Variants in SMIM7 observed in about 807,000 individuals in gnomAD.
SMIM7 encodes small integral membrane protein 7.
In SMIM7, 12 loss-of-function variants were observed where a neutral mutation model predicts 13.3. The observed-to-expected ratio is 0.90, with a 90% confidence interval of 0.58 to 1.46. The LOEUF (loss-of-function observed/expected upper bound fraction) is 1.46, where lower values mean the gene tolerates loss of function less well. Among genes scored for constraint, SMIM7 ranks in the 40% most tolerant of loss-of-function variants. The pLI, the probability that SMIM7 is intolerant of heterozygous loss-of-function variation, is 0.00. For synonymous variants in SMIM7, 36 were observed against 35.8 expected (o/e 1.01, Z -0.02); for missense variants, 114 against 94.8 (o/e 1.20, Z -0.84).
chr19:16,654,299 C>G (rs2086567935), intron 3 of SMIM7, among the ~76,000 whole-genome samples, 174 bp from the exon 4 acceptor site: 2 of 152,228 alleles, frequency 1.3e-5, no homozygotes, highest in African/African-American at 4.8e-5. Context: ...CAGGCTGTGT[C>G]TACCACTGAC....
chr19:16,659,042 C>T (rs369582629), intron 3 of SMIM7: 3 of 321,080 alleles, frequency 9.3e-6, no homozygotes, highest in Non-Finnish European at 6.0e-6. Flanking sequence ...CCCAGCTCTT[C>T]GGGAGGCCAA....
chr19:16,650,117 T>C (rs2086503018), intron 4 of SMIM7, among the ~76,000 whole-genome samples: 2 of 152,190 alleles, frequency 1.3e-5, no homozygotes. Flanking sequence ...CGCCTTTTAC[T>C]TGTAAAACCT....
chr19:16,639,148 G>A (rs1017048397), intron 4 of SMIM7, among the ~76,000 whole-genome samples: 1 of 145,502 alleles, frequency 6.9e-6, no homozygotes, highest in African/African-American at 2.6e-5. Context: ...TTGAGACGGA[G>A]TCTTGCTCTG....
chr19:16,637,178 T>C lies in SMIM7; in HGVS notation c.*138-5454A>G, dbSNP rs550485288. Among the ~76,000 whole-genome samples the C allele has an allele frequency of 2.6e-5, 4 of 152,216 alleles. No individual in the cohort carries two copies. The East Asian group carries it at 7.7e-4, about 29-fold the overall frequency. On this transcript the variant is annotated intron_variant and NMD_transcript_variant, in intron 4 of 4. Coordinates refer to the SMIM7 transcript ENST00000465250. ...AGGCCCTCACTACTCAAAAGTGTGG[T>C]CCGTGGACCAGCAGTATTAGCATTA...
intron 3 of SMIM7, 33 bp downstream of exon 3, chr19:16,659,362 A>AC: frequency 6.2e-7 from 1 of 1,604,254 alleles, no homozygotes; most frequent in South Asian, 1.1e-5. Context: ...TCTGAAGTGG[A>AC]CCATGCAATT....
intron 4 of SMIM7, among the ~76,000 whole-genome samples, chr19:16,653,196 T>C (rs2122536850): frequency 6.6e-6 from 1 of 152,300 alleles, no homozygotes; most frequent in South Asian, 2.1e-4. Context: ...GAGAACTCCA[T>C]GTTCCAATAA....
intron 2 of SMIM7, 100 bp downstream of exon 2, chr19:16,659,859 G>T (rs1170326346): frequency 6.7e-7 from 1 of 1,486,834 alleles, no homozygotes. Context: ...GGGGCCTGCG[G>T]CTTGGGGGCG....
chr19:16,656,599 T>TA lies in SMIM7; in HGVS notation c.122-2475dup, dbSNP rs375539931. ...CATGTGCATGGGGAAGGGTGGGAGG[T>TA]AAAAAAAAAGCCTTTCCAGCCGGGT... On this transcript the variant is annotated intron_variant, in intron 3 of 4. Coordinates refer to ENST00000487416, the MANE Select transcript of SMIM7 (RefSeq NM_024104.4). Among the ~76,000 whole-genome samples the TA allele has an allele frequency of 7.3e-3, 1,055 of 145,068 alleles. 13 individuals carry two copies. Among genetic ancestry groups the TA allele is most frequent in the East Asian group, 0.031 (151 of 4,892 alleles).
At chr19:16,650,038 T>C (rs1266622619) in intron 4 of SMIM7, among the ~76,000 whole-genome samples, 2 of 152,176 alleles carry the variant, frequency 1.3e-5, no homozygotes, top group African/African-American at 2.4e-5. Context: ...GTTCTGAAAT[T>C]GGATAGAGAT....
At chr19:16,647,519 G>A (rs2086465486) in intron 4 of SMIM7, among the ~76,000 whole-genome samples, 1 of 148,228 alleles carries the variant, frequency 6.7e-6, no homozygotes, top group Non-Finnish European at 1.5e-5. Flanking sequence ...ACAGTGGTGC[G>A]ATCTCAGCTC....
At chr19:16,635,130 G>C (rs2086349422) in intron 4 of SMIM7, 1 of 151,968 alleles carries the variant, frequency 6.6e-6, no homozygotes, top group Non-Finnish European at 1.5e-5. Context: ...GGGAGGCTGA[G>C]GCAGGTGGAT....
Position 16,655,238 on chromosome 19 carries a change from T to C in SMIM7, c.122-1113A>G, listed in dbSNP as rs2086581298. On this transcript the variant is annotated intron_variant, in intron 3 of 4. Transcript: ENST00000487416. ...AAGGTGTTTCTTGGTGATGACTTAC[T>C]CTGGTCCCCTTGAATGCCAAGGAAC... 1.3e-5 allele frequency: 6 copies of C among 445,304 alleles called. No homozygotes were observed. The Admixed American group carries it at 1.5e-4, about 11-fold the overall frequency. The allele number at this position is 445,304 out of a possible 1,614,324, so 27.6% of individuals were successfully genotyped here.
downstream of SMIM7, chr19:16,645,442 A>C (rs1444209411): frequency 2.0e-5 from 3 of 152,246 alleles, no homozygotes; most frequent in African/African-American, 7.2e-5. Flanking sequence ...CAGCAAAGCC[A>C]GACCCAGCAG....
At chr19:16,640,332 C>T (rs1401569660) in intron 4 of SMIM7, 2 of 152,138 alleles carry the variant, frequency 1.3e-5, no homozygotes, top group East Asian at 1.9e-4. Context: ...CCTCCCTGCC[C>T]GGCCCTTTTT....
At chr19:16,653,124 T>C (rs1382793803) in intron 4 of SMIM7, among the ~76,000 whole-genome samples, 1 of 152,196 alleles carries the variant, frequency 6.6e-6, no homozygotes, top group Non-Finnish European at 1.5e-5. Context: ...GACAGGGCCA[T>C]GGGCTCAGGG....
chr19:16,650,749 T>C (rs1418600876), intron 4 of SMIM7, among the ~76,000 whole-genome samples: 1 of 151,532 alleles, frequency 6.6e-6, no homozygotes, highest in African/African-American at 2.4e-5. Flanking sequence ...ACACGGAATA[T>C]TGAACCATGC....
intron 2 of SMIM7, 176 bp downstream of exon 2, chr19:16,659,783 C>T: frequency 1.2e-6 from 1 of 813,314 alleles, no homozygotes; most frequent in Admixed American, 2.3e-5. Context: ...GGTTTAAGGT[C>T]TCTCGGGGGG....
Position 16,659,577 on chromosome 19 carries a change from C to T in SMIM7, c.69-130G>A, listed in dbSNP as rs1183858838. The T allele has an allele frequency of 7.7e-6, 7 of 904,698 alleles. No individual in the cohort carries two copies. In the East Asian group the frequency reaches 1.8e-4, roughly 24 times the overall value. 56.0% of individuals were successfully genotyped at this position (904,698 alleles called of 1,614,324 possible). ...CTGCCGCAAACTTGCTGTGTGACCT[C>T]TGACGTTCAATACCCTTCTCTGGGC... On this transcript the variant is annotated intron_variant, in intron 2 of 4. Coordinates refer to ENST00000487416, the MANE Select transcript of SMIM7 (RefSeq NM_024104.4).
At chr19:16,648,025 GA>G (rs1266555594) in intron 4 of SMIM7, among the ~76,000 whole-genome samples, 1 of 152,140 alleles carries the variant, frequency 6.6e-6, no homozygotes, top group Non-Finnish European at 1.5e-5. Flanking sequence ...AAAACTCTTG[GA>G]AGAAAACTTA....
Sources: allele counts gnomAD v4.1 joint callset (sites outside exome capture counted in the v4.1 genomes callset), GRCh38; gene constraint gnomAD v4.1.1; transcripts MANE v1.5; gene names NCBI Gene and HGNC (gene_info 2026-07-23, HGNC 2026-07-21).